NOL9: variants seen among roughly 807,000 people sequenced by gnomAD.
The protein encoded by NOL9 is polynucleotide 5'-hydroxyl-kinase NOL9.
A neutral mutation model predicts 67.9 loss-of-function variants in NOL9; 28 were observed. The ratio of observed to expected loss-of-function variants is 0.41; its 90% CI spans 0.31 to 0.57. The LOEUF (loss-of-function observed/expected upper bound fraction) is 0.57. Ranked by LOEUF, NOL9 falls within the 20% of genes least tolerant of loss-of-function variation. NOL9 has a pLI of 0.25. For synonymous variants in NOL9, 356 were observed against 352.2 expected, an observed-to-expected ratio of 1.01 and a Z score of -0.12; for missense variants, 777 against 897.0, an observed-to-expected ratio of 0.87 and a Z score of 1.71.
chr1:6,551,796 C>G (rs1011238149), intron 1 of NOL9, among the ~76,000 whole-genome samples: 1 of 151,976 alleles, frequency 6.6e-6, no homozygotes, highest in African/African-American at 2.4e-5. Flanking sequence ...CTTTGGGAGG[C>G]CGAGGCGGGT....
At chr1:6,543,836 T>C (rs970218286) in intron 5 of NOL9, among the ~76,000 whole-genome samples, 4 of 151,890 alleles carry the variant, frequency 2.6e-5, no homozygotes, top group African/African-American at 9.7e-5. Context: ...ACAAAAAAAT[T>C]AGCCAGAGGC....
intron 3 of NOL9, among the ~76,000 whole-genome samples, chr1:6,545,683 C>A (rs1294628900): frequency 6.6e-6 from 1 of 151,794 alleles, no homozygotes; most frequent in Non-Finnish European, 1.5e-5. Context: ...ACCAGCTCAC[C>A]ACAGAAGAGG....
chr1:6,552,793 T>A (rs1030702072), intron 1 of NOL9, among the ~76,000 whole-genome samples: 2 of 152,138 alleles, frequency 1.3e-5, no homozygotes, highest in Non-Finnish European at 2.9e-5. Context: ...TTCCTTTCTT[T>A]CTTTTCCCCT....
chr1:6,529,940 A>AAAAT (rs1217378534), intron 9 of NOL9, among the ~76,000 whole-genome samples: 2 of 152,046 alleles, frequency 1.3e-5, no homozygotes, highest in African/African-American at 2.4e-5. Context: ...ACAAAAATTA[A>AAAAT]AAATAAATAA....
intron 10 of NOL9, among the ~76,000 whole-genome samples, chr1:6,527,968 G>C (rs1418719426): frequency 6.6e-6 from 1 of 152,178 alleles, no homozygotes; most frequent in Non-Finnish European, 1.5e-5. Flanking sequence ...TTGATTGTTG[G>C]TGAGTACAGG....
intron 6 of NOL9, among the ~76,000 whole-genome samples, chr1:6,536,157 T>C (rs1000161554): frequency 1.0e-4 from 15 of 147,924 alleles, no homozygotes; most frequent in African/African-American, 3.7e-4. Flanking sequence ...CCATCCTGGC[T>C]AAAGTGGTGA....
In NOL9 at chr1:6,526,709, A is replaced by T; in HGVS notation, c.1946T>A (p.Val649Asp). Residue 649 changes from valine (V) to aspartate (D), a missense_variant, in exon 11 of 12, where the codon GTC (valine) becomes GAC (aspartate). Val to Asp is a radical substitution (Grantham distance 152). This residue lies in a region of NOL9 where 413 missense variants were observed against 552.6 expected (regional missense o/e 0.75). Coordinates refer to ENST00000377705, the MANE Select transcript of NOL9 (RefSeq NM_024654.5). ...LVGAIAIPHC[V>D]LKCQRGIEGT... ...GGGAAGGCTCACCTGGCACTTAAGG[A>T]CACAATGTGGAATGGCAATAGCTCC... 6.2e-7 allele frequency: 1 copy of T among 1,613,014 alleles called. No individual in the cohort carries two copies.
At position 6,554,338 on chromosome 1, in the gene NOL9, G is replaced by C. The variant is rs1293848172; in HGVS notation, c.165C>G (p.Ala55=). The change falls in exon 1 of 12, where the codon GCC becomes GCG. Residue 55 remains alanine (A), a synonymous_variant. Transcript: ENST00000377705. ...CCCTCCAGTCCACGCCGGACGCCTG[G>C]GCTTGCAGTAACCGCCACCGTAGGC... ...RRRLRWRLLQ[A]QASGVDWREG... 7.5e-6 allele frequency: 11 copies of C among 1,461,994 alleles called. No homozygotes were observed. The highest frequency in any genetic ancestry group is 8.1e-6 in the Non-Finnish European group (9 of 1,113,744). The allele number at this position is 1,461,994 out of a possible 1,614,324, so 90.6% of individuals were successfully genotyped here.
intron 6 of NOL9, among the ~76,000 whole-genome samples, chr1:6,537,832 T>A (rs1343449049): frequency 1.9e-4 from 29 of 150,648 alleles, no homozygotes; most frequent in African/African-American, 7.1e-4. Flanking sequence ...AACTTAAGAG[T>A]AAAAACTGGG....
chr1:6,539,661 T>C (rs935895695), intron 6 of NOL9, among the ~76,000 whole-genome samples: 50 of 410 alleles, frequency 0.12, no homozygotes, highest in African/African-American at 0.14. Context: ...ACTTTTGTAT[T>C]TTTTTTAATA....
Position 6,523,051 on chromosome 1 carries a change from C to T in NOL9, c.*2803G>A, listed in dbSNP as rs1638806125. ...TGGCGCTCACCTGTAATCCCAGCTA[C>T]TTGGGAGGCTGGGGCAGAAGAATCA... On this transcript the variant is annotated 3_prime_UTR_variant, in exon 12 of 12. Transcript: ENST00000377705. 6.6e-6 allele frequency: 1 copy of T among 150,800 alleles called. No homozygotes were observed. The allele number at this position is 150,800 out of a possible 1,614,324, so 9.3% of individuals were successfully genotyped here.
intron 1 of NOL9, among the ~76,000 whole-genome samples, chr1:6,552,696 G>A (rs910122564): frequency 1.3e-5 from 2 of 150,682 alleles, no homozygotes; most frequent in African/African-American, 2.4e-5. Flanking sequence ...TCTCGAACTC[G>A]CTACCTCAGG....
intron 5 of NOL9, among the ~76,000 whole-genome samples, chr1:6,544,210 G>A (rs1047934992): frequency 6.6e-6 from 1 of 151,768 alleles, no homozygotes; most frequent in Non-Finnish European, 1.5e-5. Flanking sequence ...TTGAACCCAG[G>A]ACGTCAAGGC....
At chr1:6,534,997 G>A (rs1272939968) in intron 6 of NOL9, among the ~76,000 whole-genome samples, 1 of 152,096 alleles carries the variant, frequency 6.6e-6, no homozygotes, top group Non-Finnish European at 1.5e-5. Flanking sequence ...GTAGAGATGA[G>A]GTTTTGTTAT....
intron 9 of NOL9, among the ~76,000 whole-genome samples, chr1:6,531,410 T>G (rs1482586371): frequency 6.6e-6 from 1 of 151,990 alleles, no homozygotes; most frequent in African/African-American, 2.4e-5. Context: ...AGAGGGGGTT[T>G]CACTGTGTTA....
chr1:6,531,894 G>C (rs1322725734), intron 9 of NOL9, 74 bp downstream of exon 9: 21 of 1,117,356 alleles, frequency 1.9e-5, no homozygotes, highest in Non-Finnish European at 2.5e-5. Context: ...GTGGTTAGGA[G>C]AGCGCCCAGC....
chr1:6,551,128 A>G (rs946063115), intron 1 of NOL9, among the ~76,000 whole-genome samples: 16 of 152,180 alleles, frequency 1.1e-4, no homozygotes, highest in African/African-American at 3.6e-4. Context: ...CCTAGGCAAC[A>G]GAGTGAGACT....
rs1638775551 is a variant in NOL9 at position 6,521,788 on chromosome 1, G to C, written c.*4066C>G. Reference sequence around the variant, plus strand: ...CTCCTGAGTTTACCATCTCATCAGAGGCTAGCTACACACTAGGAGTTACTG... The same window carrying C: ...CTCCTGAGTTTACCATCTCATCAGACGCTAGCTACACACTAGGAGTTACTG... On this transcript the variant is annotated 3_prime_UTR_variant, in exon 12 of 12. Transcript: ENST00000377705. 1 of 152,194 alleles carries C rather than the reference G, an allele frequency of 6.6e-6. No individual in the cohort carries two copies. 9.4% of individuals were successfully genotyped at this position (152,194 alleles called of 1,614,324 possible).
At chr1:6,548,889 C>G (rs538832937) in intron 3 of NOL9, among the ~76,000 whole-genome samples, 66 of 152,068 alleles carry the variant, frequency 4.3e-4, no homozygotes, top group African/African-American at 1.5e-3. Flanking sequence ...TGAGACCAAC[C>G]TGGCCAACAT....
Sources: allele counts gnomAD v4.1 joint callset (sites outside exome capture counted in the v4.1 genomes callset), GRCh38; gene constraint gnomAD v4.1.1; regional missense constraint gnomAD v4.1.1; transcripts MANE v1.5; gene names NCBI Gene and HGNC (gene_info 2026-07-23, HGNC 2026-07-21).